Variants in CDIN1 observed in about 807,000 individuals in gnomAD.
CDIN1 encodes the protein CDAN1-interacting nuclease 1.
Under a neutral mutation model 45.3 loss-of-function variants are expected in CDIN1, and 33 were observed. The ratio of observed to expected loss-of-function variants is 0.73; its 90% CI spans 0.55 to 0.97. CDIN1 has a LOEUF of 0.97. CDIN1 is among the 50% of genes least tolerant of loss of function. CDIN1 has a pLI of 0.00. For missense variants in CDIN1, 303 were observed against 339.4 expected (o/e 0.89, Z 0.84); for synonymous variants, 118 against 124.4 (o/e 0.95, Z 0.34).
At chr15:36,582,455 T>A (rs1008379462) in intron 1 of CDIN1, among the ~76,000 whole-genome samples, 1 of 152,240 alleles carries the variant, frequency 6.6e-6, no homozygotes, top group African/African-American at 2.4e-5. Flanking sequence ...CCTGCACGTG[T>A]GTGGCAGTGA....
chr15:36,765,488 A>G (rs551370579), intron 10 of CDIN1, among the ~76,000 whole-genome samples: 11 of 152,324 alleles, frequency 7.2e-5, no homozygotes, highest in African/African-American at 2.6e-4. Context: ...ATAAAAATAG[A>G]TCTATATCAA....
chr15:36,621,416 G>A (rs887074222), intron 1 of CDIN1, among the ~76,000 whole-genome samples: 3 of 152,138 alleles, frequency 2.0e-5, no homozygotes, highest in African/African-American at 7.2e-5. Flanking sequence ...CTTATTGTTA[G>A]CATGGCAGTT....
intron 5 of CDIN1, among the ~76,000 whole-genome samples, chr15:36,670,101 T>C (rs1595448634): frequency 6.6e-6 from 1 of 152,072 alleles, no homozygotes; most frequent in South Asian, 2.1e-4. Context: ...TCCCTGTTTA[T>C]TTATCATTTT....
intron 3 of CDIN1, among the ~76,000 whole-genome samples, chr15:36,653,630 G>A (rs1220475388): frequency 6.6e-6 from 1 of 152,102 alleles, no homozygotes; most frequent in African/African-American, 2.4e-5. Flanking sequence ...CAGGTGTGCT[G>A]ACCCACTGAT....
At chr15:36,767,938 T>G (rs888143433) in intron 10 of CDIN1, among the ~76,000 whole-genome samples, 1 of 152,118 alleles carries the variant, frequency 6.6e-6, no homozygotes, top group African/African-American at 2.4e-5. Context: ...CCTGAGAAAT[T>G]GGAATTATTG....
intron 4 of CDIN1, among the ~76,000 whole-genome samples, chr15:36,657,210 G>C (rs1330971186): frequency 6.6e-6 from 1 of 151,928 alleles, no homozygotes; most frequent in Non-Finnish European, 1.5e-5. Context: ...AGATAAGGAC[G>C]GTGATCTTAT....
chr15:36,784,635 G>A (rs936425554), intron 10 of CDIN1, among the ~76,000 whole-genome samples: 6 of 152,092 alleles, frequency 3.9e-5, no homozygotes, highest in Admixed American at 3.3e-4. Flanking sequence ...CACACTTCAC[G>A]GAGATTTTTT....
chr15:36,732,960 G>A (rs527244506), intron 10 of CDIN1, among the ~76,000 whole-genome samples: 1 of 151,930 alleles, frequency 6.6e-6, no homozygotes, highest in South Asian at 2.1e-4. Context: ...TTTAAATAAA[G>A]AAAATGGGTA....
intron 8 of CDIN1, among the ~76,000 whole-genome samples, chr15:36,700,438 T>C (rs1011603969): frequency 6.6e-6 from 1 of 152,150 alleles, no homozygotes; most frequent in Admixed American, 6.6e-5. Context: ...CCATTAAACC[T>C]TTCAAAGAAA....
At chr15:36,588,622 A>G (rs1182437116) in intron 1 of CDIN1, among the ~76,000 whole-genome samples, 1 of 152,180 alleles carries the variant, frequency 6.6e-6, no homozygotes, top group Non-Finnish European at 1.5e-5. Context: ...AGGAATGTCT[A>G]AGAAAAGAGT....
At chr15:36,795,150 G>A (rs1034231207) in intron 10 of CDIN1, among the ~76,000 whole-genome samples, 1 of 152,142 alleles carries the variant, frequency 6.6e-6, no homozygotes, top group African/African-American at 2.4e-5. Flanking sequence ...GTTTAAGAGG[G>A]TGGGTGGATG....
At chr15:36,587,359 G>A (rs542112724) in intron 1 of CDIN1, among the ~76,000 whole-genome samples, 85 of 149,900 alleles carry the variant, frequency 5.7e-4, no homozygotes, top group Admixed American at 1.0e-3. Context: ...GTCATCCTGT[G>A]CTTAAACCAA....
chr15:36,690,110 GGCTAA>G (rs1232982796), intron 5 of CDIN1, among the ~76,000 whole-genome samples: 2 of 152,116 alleles, frequency 1.3e-5, no homozygotes, highest in Non-Finnish European at 2.9e-5. Context: ...GTTCACAAAT[GGCTAA>G]GTACATAAGT....
chr15:36,745,155 A>T (rs2044375787), intron 10 of CDIN1, among the ~76,000 whole-genome samples: 1 of 152,160 alleles, frequency 6.6e-6, no homozygotes. Flanking sequence ...AAGGGAAAAA[A>T]TTGCACTTTT....
rs1034880334 is a variant in CDIN1 at position 36,671,758 on chromosome 15, T to A, written c.346+13853T>A. ...AAGATTTTATTGTTAATGTTGATGTTTTTTAGGTACTGTTCCTCTTACAAT... is the reference window on the plus strand; with the variant it reads ...AAGATTTTATTGTTAATGTTGATGTATTTTAGGTACTGTTCCTCTTACAAT... On this transcript the variant is annotated intron_variant, in intron 5 of 10. Transcript: ENST00000566621. 4.6e-5 allele frequency among the ~76,000 whole-genome samples: 7 copies of A among 152,246 alleles called. No individual in the cohort carries two copies. The East Asian group carries it at 9.7e-4, about 21-fold the overall frequency.
chr15:36,731,460 T>G (rs2043831524), intron 10 of CDIN1, among the ~76,000 whole-genome samples: 1 of 152,120 alleles, frequency 6.6e-6, no homozygotes, highest in Admixed American at 6.6e-5. Flanking sequence ...TCACCGATCT[T>G]TTTGAAGTTT....
chr15:36,672,635 A>G (rs1348570819), intron 5 of CDIN1, among the ~76,000 whole-genome samples: 1 of 151,984 alleles, frequency 6.6e-6, no homozygotes, highest in African/African-American at 2.4e-5. Flanking sequence ...GGAGGTCTCA[A>G]ATTCAATTAA....
chr15:36,784,010 G>T (rs2054423405), intron 10 of CDIN1, among the ~76,000 whole-genome samples: 1 of 152,090 alleles, frequency 6.6e-6, no homozygotes. Context: ...CATACACTAA[G>T]AGAAAATGAA....
chr15:36,629,570 T>C (rs1474630424), intron 1 of CDIN1, among the ~76,000 whole-genome samples: 1 of 152,204 alleles, frequency 6.6e-6, no homozygotes, highest in Non-Finnish European at 1.5e-5. Context: ...GTTAGAGAAG[T>C]GATTTTGTCA....
Sources: allele counts gnomAD v4.1 joint callset (sites outside exome capture counted in the v4.1 genomes callset), GRCh38; gene constraint gnomAD v4.1.1; transcripts MANE v1.5; gene names NCBI Gene and HGNC (gene_info 2026-07-23, HGNC 2026-07-21).